Variants in ZBED4 observed in about 807,000 individuals in gnomAD.
The protein encoded by ZBED4 is zinc finger BED domain-containing protein 4.
ZBED4 carries 4 observed loss-of-function variants against 15.5 expected under a neutral mutation model. The observed-to-expected ratio is 0.26, with a 90% CI of 0.13 to 0.59. The LOEUF (loss-of-function observed/expected upper bound fraction) is 0.59. Ranked by LOEUF, ZBED4 falls within the 20% of genes least tolerant of loss-of-function variation. The pLI is 0.90. For missense variants in ZBED4, 1,323 were observed against 1,461.8 expected, an observed-to-expected ratio of 0.91 and a Z score of 1.55; for synonymous variants, 692 against 608.5, an observed-to-expected ratio of 1.14 and a Z score of -2.02.
chr22:49,873,699 T>C (rs1413510417), intron 1 of ZBED4, among the ~76,000 whole-genome samples: 3 of 151,818 alleles, frequency 2.0e-5, no homozygotes, highest in Non-Finnish European at 4.4e-5. Context: ...TGAGGTGATA[T>C]GAGGTATTGG....
intron 1 of ZBED4, among the ~76,000 whole-genome samples, chr22:49,872,757 T>G (rs1052915106): frequency 6.6e-6 from 1 of 150,856 alleles, no homozygotes; most frequent in African/African-American, 2.4e-5. Context: ...CAGGCTGGAG[T>G]GCAGTGACGT....
chr22:49,882,922 G>A (rs999721706), intron 1 of ZBED4, among the ~76,000 whole-genome samples: 33 of 152,282 alleles, frequency 2.2e-4, no homozygotes, highest in African/African-American at 7.5e-4. Context: ...TTTCAAATTC[G>A]TATTTCATGT....
chr22:49,886,661 C>A lies in ZBED4; in HGVS notation c.2999C>A (p.Pro1000Gln), dbSNP rs564647162. The change falls in exon 2 of 2, where the codon CCG becomes CAG. Residue 1000 changes from proline (P) to glutamine (Q), a missense_variant. By Grantham distance (76) the Pro-to-Gln change is moderately conservative. Coordinates refer to ENST00000216268, the MANE Select transcript of ZBED4 (RefSeq NM_014838.3). This position sits in a 1 kb window ranked among gnomAD's most constrained non-coding sequence, Gnocchi z 7.7. ...VSRLSATLHD[P>Q]RYVFATLLDP... is the part of the protein sequence containing the mutation. Reference sequence around the variant, plus strand: ...CGCCTGTCTGCCACCCTCCACGACCCGCGGTACGTCTTCGCCACGCTGCTG... The same window carrying A: ...CGCCTGTCTGCCACCCTCCACGACCAGCGGTACGTCTTCGCCACGCTGCTG... 1.1e-5 allele frequency: 17 copies of A among 1,607,408 alleles called. No homozygotes were observed. The African/African-American group carries it at 2.0e-4, about 19-fold the overall frequency.
chr22:49,876,572 G>A (rs557145276), intron 1 of ZBED4, among the ~76,000 whole-genome samples: 14 of 151,790 alleles, frequency 9.2e-5, no homozygotes, highest in African/African-American at 2.9e-4. Context: ...TATTAATGTC[G>A]CCACTCCAGC....
intron 1 of ZBED4, among the ~76,000 whole-genome samples, chr22:49,869,882 C>G (rs1223936920): frequency 1.3e-5 from 2 of 152,176 alleles, no homozygotes; most frequent in Non-Finnish European, 1.5e-5. Context: ...TTGCGTGATG[C>G]TGAGTTTGGG....
rs1280316916 is a variant in ZBED4 at position 49,887,259 on chromosome 22, C to A, written c.*81C>A. Reference sequence around the variant, plus strand: ...GTACCAGGTCTATGACCCGCTCTGCCCACGGCTGTGTACGACATCAGACCA... The same window carrying A: ...GTACCAGGTCTATGACCCGCTCTGCACACGGCTGTGTACGACATCAGACCA... On this transcript the variant is annotated 3_prime_UTR_variant, in exon 2 of 2. Coordinates refer to ENST00000216268, the MANE Select transcript of ZBED4 (RefSeq NM_014838.3). 6.9e-7 allele frequency: 1 copy of A among 1,448,928 alleles called. No individual in the cohort carries two copies. The highest frequency in any genetic ancestry group is 1.4e-5 in the African/African-American group (1 of 70,008). The allele number at this position is 1,448,928 out of a possible 1,614,324, so 89.8% of individuals were successfully genotyped here.
At position 49,890,022 on chromosome 22, in the gene ZBED4, G is replaced by C. The variant is rs2060460113; in HGVS notation, c.*2844G>C. The C allele has an allele frequency of 1.2e-5, 2 of 167,026 alleles. No individual in the cohort carries two copies. The highest frequency in any genetic ancestry group is 4.1e-4 in the South Asian group (2 of 4,834). The allele number at this position is 167,026 out of a possible 1,614,324, so 10.3% of individuals were successfully genotyped here. On this transcript the variant is annotated 3_prime_UTR_variant, in exon 2 of 2. Transcript: ENST00000216268. ...TATACGAAGGGACTTTAAAAAATTT[G>C]TGGAAATACTGAAGTAAAAGATGAT...
intron 1 of ZBED4, among the ~76,000 whole-genome samples, chr22:49,868,081 G>A (rs879350754): frequency 5.9e-5 from 9 of 152,192 alleles, no homozygotes; most frequent in Admixed American, 4.6e-4. Flanking sequence ...AGGTTGAACC[G>A]TCATTAAATC....
At chr22:49,871,043 C>A (rs1001855535) in intron 1 of ZBED4, among the ~76,000 whole-genome samples, 1 of 151,206 alleles carries the variant, frequency 6.6e-6, no homozygotes, top group South Asian at 2.1e-4. Context: ...AGGGTTCAAG[C>A]AATTCTCATG....
chr22:49,862,144 G>T (rs1457473098), intron 1 of ZBED4, among the ~76,000 whole-genome samples: 1 of 152,242 alleles, frequency 6.6e-6, no homozygotes, highest in Non-Finnish European at 1.5e-5. Context: ...GCACGGAGCA[G>T]TTGAGATCAT....
chr22:49,863,493 G>A (rs574780265), intron 1 of ZBED4, among the ~76,000 whole-genome samples: 310 of 152,304 alleles, frequency 2.0e-3, no homozygotes, highest in Middle Eastern at 6.8e-3. Flanking sequence ...TGGGCGTGGT[G>A]GCGAGTGCCT....
Position 49,884,933 on chromosome 22 carries a change from C to G in ZBED4, c.1271C>G (p.Ser424Trp), listed in dbSNP as rs149970137. ...FSSSDDIGEA[S>W]ASSPEKQQAD... ...TCTTCCGATGACATAGGGGAGGCCT[C>G]GGCGTCCTCTCCTGAGAAGCAGCAG... The change falls in exon 2 of 2, where the codon TCG becomes TGG. Residue 424 changes from serine to tryptophan, a missense_variant. Transcript: ENST00000216268. The G allele has an allele frequency of 1.2e-6, 2 of 1,607,158 alleles. No homozygotes were observed. The highest frequency in any genetic ancestry group is 1.3e-5 in the African/African-American group (1 of 74,910).
rs564828395 is a variant in ZBED4 at position 49,868,999 on chromosome 22, C to T, written c.-329-14335C>T. ...ATTAGCTGGGTGTGATGGTGTATGC[C>T]TGTAATCCGAGCTGCTTGTGAGACT... is the stretch of plus-strand genomic sequence containing the variant. On this transcript the variant is annotated intron_variant, in intron 1 of 1. Transcript: ENST00000216268. 6.7e-4 allele frequency among the ~76,000 whole-genome samples: 101 copies of T among 151,186 alleles called. 1 individual carries two copies. The highest frequency in any genetic ancestry group is 2.4e-3 in the African/African-American group (99 of 41,190).
chr22:49,861,216 TGAGATG>T, intron 1 of ZBED4, among the ~76,000 whole-genome samples: 1 of 151,844 alleles, frequency 6.6e-6, no homozygotes, highest in South Asian at 2.1e-4. Context: ...TTGTTTGTTA[TGAGATG>T]GAGTCTCGCT....
At chr22:49,877,943 C>T (rs1463530394) in intron 1 of ZBED4, among the ~76,000 whole-genome samples, 1 of 152,190 alleles carries the variant, frequency 6.6e-6, no homozygotes, top group Non-Finnish European at 1.5e-5. Context: ...CATTGTAGGG[C>T]TGTATCACAA....
upstream of ZBED4, chr22:49,853,337 G>A (rs1205248163): frequency 6.6e-6 from 1 of 152,340 alleles, no homozygotes; most frequent in Non-Finnish European, 1.5e-5. Flanking sequence ...GCCGCGCGGG[G>A]AGCCCCGATC....
In ZBED4 at chr22:49,853,958, C is replaced by G. The variant is rs2060263199; in HGVS notation, c.-361C>G. 6.9e-6 allele frequency: 1 copy of G among 145,210 alleles called. No homozygotes were observed. The highest frequency in any genetic ancestry group is 2.1e-4 in the South Asian group (1 of 4,812). The allele number at this position is 145,210 out of a possible 1,614,324, so 9.0% of individuals were successfully genotyped here. ...CGCCCGCGCCGCCGTCGTCCGCAGC[C>G]GGCCGGGAGCCGCCCCAGAGGCCGG... is the stretch of plus-strand genomic sequence containing the variant. On this transcript the variant is annotated 5_prime_UTR_variant, in exon 1 of 2. Transcript: ENST00000216268.
intron 1 of ZBED4, among the ~76,000 whole-genome samples, chr22:49,856,929 G>A (rs2060277419): frequency 6.6e-6 from 1 of 152,210 alleles, no homozygotes; most frequent in African/African-American, 2.4e-5. Flanking sequence ...CATGGCCCAT[G>A]TCTTTCCCAG....
rs549855380 is a variant in ZBED4 at position 49,890,002 on chromosome 22, G to A, written c.*2824G>A. 5 of 167,056 alleles carry A rather than the reference G, an allele frequency of 3.0e-5. No individual in the cohort carries two copies. The highest frequency in any genetic ancestry group is 7.3e-5 in the Non-Finnish European group (5 of 68,122). 10.3% of individuals were successfully genotyped at this position (167,056 alleles called of 1,614,324 possible). ...TGAATGAAATTACCAGTCATTATAC[G>A]AAGGGACTTTAAAAAATTTGTGGAA... On this transcript the variant is annotated 3_prime_UTR_variant, in exon 2 of 2. Transcript: ENST00000216268.
Sources: allele counts gnomAD v4.1 joint callset (sites outside exome capture counted in the v4.1 genomes callset), GRCh38; gene constraint gnomAD v4.1.1; non-coding constraint Gnocchi (gnomAD v3.1); transcripts MANE v1.5; gene names NCBI Gene and HGNC (gene_info 2026-07-23, HGNC 2026-07-21).